Variants in ZDHHC21 observed in about 807,000 individuals in gnomAD.
ZDHHC21 encodes zDHHC palmitoyltransferase 21.
Under a neutral mutation model 34.6 loss-of-function variants are expected in ZDHHC21, and 15 were observed. The ratio of observed to expected loss-of-function variants is 0.43; its 90% CI spans 0.29 to 0.67. ZDHHC21 has a LOEUF of 0.67. Among genes scored for constraint, ZDHHC21 ranks in the 30% least tolerant of loss-of-function variants. ZDHHC21 has a pLI of 0.14. For missense variants in ZDHHC21, 344 were observed against 327.7 expected (o/e 1.05, Z -0.38); for synonymous variants, 142 against 101.8 (o/e 1.40, Z -2.38).
At chr9:14,643,774 A>G (rs949054735) in intron 7 of ZDHHC21, among the ~76,000 whole-genome samples, 1 of 152,158 alleles carries the variant, frequency 6.6e-6, no homozygotes, top group Admixed American at 6.5e-5. Context: ...TTCCGGAATG[A>G]CTTATCTAAA....
chr9:14,590,940 A>G, the ZDHHC21 span, among the ~76,000 whole-genome samples: 2 of 152,200 alleles, frequency 1.3e-5, no homozygotes, highest in East Asian at 3.8e-4. Context: ...TAACACATAT[A>G]TCAGAAAAAT....
At chr9:14,652,773 A>G (rs1831450484) in intron 7 of ZDHHC21, among the ~76,000 whole-genome samples, 1 of 151,994 alleles carries the variant, frequency 6.6e-6, no homozygotes, top group Non-Finnish European at 1.5e-5. Context: ...GTGCCATTAC[A>G]TCAATGGTCA....
At chr9:14,671,861 A>G (rs1835510477) in intron 5 of ZDHHC21, among the ~76,000 whole-genome samples, 1 of 152,162 alleles carries the variant, frequency 6.6e-6, no homozygotes, top group African/African-American at 2.4e-5. Context: ...ATAAAATTTC[A>G]TAAAATATGA....
At chr9:14,622,022 A>G (rs1019365523) in intron 8 of ZDHHC21, among the ~76,000 whole-genome samples, 3 of 152,168 alleles carry the variant, frequency 2.0e-5, no homozygotes, top group Admixed American at 6.6e-5. Flanking sequence ...GTCCTCAGTT[A>G]TATGTAAAAC....
chr9:14,623,250 C>T (rs757143170), intron 8 of ZDHHC21, among the ~76,000 whole-genome samples: 4 of 151,898 alleles, frequency 2.6e-5, no homozygotes, highest in East Asian at 3.9e-4. Flanking sequence ...CGGTGGCTCA[C>T]GCCAGTAATT....
chr9:14,643,767 C>T (rs982971863), intron 7 of ZDHHC21, among the ~76,000 whole-genome samples: 4 of 152,060 alleles, frequency 2.6e-5, no homozygotes, highest in East Asian at 1.9e-4. Flanking sequence ...TCAACTGTTC[C>T]GGAATGACTT....
intron 8 of ZDHHC21, among the ~76,000 whole-genome samples, chr9:14,634,911 G>A (rs1463265989): frequency 6.6e-6 from 1 of 151,926 alleles, no homozygotes; most frequent in Non-Finnish European, 1.5e-5. Flanking sequence ...AGCTCATTGA[G>A]ATAAAGATAA....
chr9:14,600,864 GTTCT>G, the ZDHHC21 span, among the ~76,000 whole-genome samples: 1 of 152,134 alleles, frequency 6.6e-6, no homozygotes, highest in Non-Finnish European at 1.5e-5. Context: ...ACAACCATCT[GTTCT>G]TTGACAAATA....
intron 7 of ZDHHC21, among the ~76,000 whole-genome samples, chr9:14,645,444 A>G (rs1830125600): frequency 6.6e-6 from 1 of 152,154 alleles, no homozygotes; most frequent in African/African-American, 2.4e-5. Flanking sequence ...CATGAGAATC[A>G]CAAAATTCAA....
At chr9:14,631,838 G>T (rs2382492) in intron 8 of ZDHHC21, among the ~76,000 whole-genome samples, 55,679 of 151,894 alleles carry the variant, frequency 0.37, 10,519 homozygotes, top group Non-Finnish European at 0.41. Flanking sequence ...ATTTATACGG[G>T]CGCAGTTTGT....
At chr9:14,664,196 G>A (rs1156773301) in intron 5 of ZDHHC21, among the ~76,000 whole-genome samples, 2 of 146,680 alleles carry the variant, frequency 1.4e-5, no homozygotes, top group East Asian at 2.2e-4. Context: ...GCCTCACTCG[G>A]GAAGCGCAAG....
chr9:14,602,020 A>T, the ZDHHC21 span, among the ~76,000 whole-genome samples: 1 of 152,022 alleles, frequency 6.6e-6, no homozygotes, highest in Non-Finnish European at 1.5e-5. Flanking sequence ...TAGGGGAGGG[A>T]TAGCATTAGG....
At chr9:14,625,956 T>C (rs1206011953) in intron 8 of ZDHHC21, among the ~76,000 whole-genome samples, 1 of 151,910 alleles carries the variant, frequency 6.6e-6, no homozygotes, top group Non-Finnish European at 1.5e-5. Context: ...TAGTCAAGTA[T>C]ACAGGAAATA....
chr9:14,682,167 C>T (rs369011850), intron 2 of ZDHHC21, among the ~76,000 whole-genome samples: 2 of 152,156 alleles, frequency 1.3e-5, no homozygotes, highest in East Asian at 3.8e-4. Flanking sequence ...ATCATAATGA[C>T]AGGATCAAAT....
intron 8 of ZDHHC21, among the ~76,000 whole-genome samples, chr9:14,623,156 CA>C (rs200679461): frequency 0.016 from 2,168 of 139,606 alleles, 55 homozygotes; most frequent in African/African-American, 0.048. Flanking sequence ...AAGGCAACAA[CA>C]AAAAAAAAAA....
At chr9:14,649,663 G>T (rs1438983384) in intron 7 of ZDHHC21, among the ~76,000 whole-genome samples, 1 of 152,046 alleles carries the variant, frequency 6.6e-6, no homozygotes, top group South Asian at 2.1e-4. Context: ...CCTAATGGCT[G>T]TCATTGAGTG....
chr9:14,693,301 C>A lies in ZDHHC21; in HGVS notation c.-297G>T. ...GCAGCTCTTTCCCCTCCTCCTGCCG[C>A]GCCACCTCCGCCTCCTCCGGCGCCG... On this transcript the variant is annotated 5_prime_UTR_variant, in exon 1 of 10. Coordinates refer to ENST00000380916, the MANE Select transcript of ZDHHC21 (RefSeq NM_178566.6). 1 of 416,578 alleles carries A rather than the reference C, an allele frequency of 2.4e-6. No individual in the cohort carries two copies. Among genetic ancestry groups the A allele is most frequent in the South Asian group, 1.6e-5 (1 of 60,768 alleles). The allele number at this position is 416,578 out of a possible 1,614,324, so 25.8% of individuals were successfully genotyped here.
At chr9:14,630,679 G>A (rs1032927588) in intron 8 of ZDHHC21, among the ~76,000 whole-genome samples, 1 of 152,158 alleles carries the variant, frequency 6.6e-6, no homozygotes, top group African/African-American at 2.4e-5. Flanking sequence ...AGACTTAAAA[G>A]TTGAAATTAC....
intron 8 of ZDHHC21, among the ~76,000 whole-genome samples, chr9:14,637,988 A>G (rs1367900292): frequency 3.3e-5 from 5 of 152,110 alleles, no homozygotes; most frequent in Non-Finnish European, 7.4e-5. Context: ...TCAGCATCAA[A>G]ATACCAACAT....
Sources: allele counts gnomAD v4.1 joint callset (sites outside exome capture counted in the v4.1 genomes callset), GRCh38; gene constraint gnomAD v4.1.1; transcripts MANE v1.5; gene names NCBI Gene and HGNC (gene_info 2026-07-23, HGNC 2026-07-21).